The following ROBO2 variants were observed in gnomAD, a reference collection of about 807,000 sequenced individuals.
The protein encoded by ROBO2 is roundabout homolog 2.
ROBO2 carries 53 observed loss-of-function variants against 160.8 expected under a neutral mutation model. The observed-to-expected ratio is 0.33, with a 90% CI of 0.26 to 0.41. The LOEUF is 0.41. ROBO2 is among the 10% of genes least tolerant of loss of function. The pLI is 1.00. For missense variants in ROBO2, 1,577 were observed against 1,722.4 expected, an observed-to-expected ratio of 0.92 and a Z score of 1.49; for synonymous variants, 664 against 611.7, an observed-to-expected ratio of 1.09 and a Z score of -1.26.
intron 2 of ROBO2, among the ~76,000 whole-genome samples, chr3:76,984,129 C>T (rs1160418294): frequency 3.3e-5 from 5 of 152,148 alleles, no homozygotes; most frequent in Admixed American, 2.6e-4. Context: ...ATCCAGTTAC[C>T]TCCACCTGGT....
At chr3:76,231,249 C>G (rs970023132) in intron 2 of ROBO2, among the ~76,000 whole-genome samples, 1 of 152,152 alleles carries the variant, frequency 6.6e-6, no homozygotes, top group Non-Finnish European at 1.5e-5. Flanking sequence ...CAATTATAAC[C>G]GTTTCTTGCT....
chr3:76,847,082 A>G (rs2068844020), intron 2 of ROBO2, among the ~76,000 whole-genome samples: 1 of 152,194 alleles, frequency 6.6e-6, no homozygotes, highest in South Asian at 2.1e-4. Flanking sequence ...CTACGTGGTT[A>G]ATTTGCTACT....
intron 2 of ROBO2, among the ~76,000 whole-genome samples, chr3:76,476,850 A>T (rs934008208): frequency 1.3e-4 from 20 of 152,032 alleles, no homozygotes; most frequent in Non-Finnish European, 2.8e-4. Context: ...TGGAAAAAAA[A>T]TGATTTTATA....
At chr3:75,912,842 C>T (rs1016930168) in intron 1 of ROBO2, among the ~76,000 whole-genome samples, 12 of 152,104 alleles carry the variant, frequency 7.9e-5, no homozygotes, top group African/African-American at 2.4e-4. Flanking sequence ...GAGTTTACCA[C>T]TTCATTTCTC....
intron 2 of ROBO2, among the ~76,000 whole-genome samples, chr3:77,289,771 G>C (rs562441128): frequency 6.6e-6 from 1 of 151,972 alleles, no homozygotes; most frequent in South Asian, 2.1e-4. Flanking sequence ...AAAATTGATG[G>C]TTAAATGGGT....
At chr3:77,577,031 T>C (rs373589530) in intron 14 of ROBO2, among the ~76,000 whole-genome samples, 5 of 152,118 alleles carry the variant, frequency 3.3e-5, no homozygotes, top group Admixed American at 3.3e-4. Flanking sequence ...GTTATGGTTG[T>C]TTTTAGAAAG....
intron 2 of ROBO2, among the ~76,000 whole-genome samples, chr3:76,590,188 C>G (rs1353133493): frequency 6.6e-6 from 1 of 152,058 alleles, no homozygotes; most frequent in Non-Finnish European, 1.5e-5. Flanking sequence ...CATTTTTACT[C>G]AAACTTTAGA....
intron 2 of ROBO2, among the ~76,000 whole-genome samples, chr3:76,382,873 T>G (rs1264647086): frequency 6.6e-6 from 1 of 152,178 alleles, no homozygotes; most frequent in Non-Finnish European, 1.5e-5. Context: ...TCAAGGGTGG[T>G]TCAGCTTCTC....
intron 5 of ROBO2, among the ~76,000 whole-genome samples, chr3:77,517,191 G>C (rs2090115758): frequency 6.6e-6 from 1 of 151,578 alleles, no homozygotes; most frequent in Non-Finnish European, 1.5e-5. Context: ...AACTGGATTG[G>C]TGGATAGCAA....
chr3:77,131,285 C>T (rs72891532), intron 2 of ROBO2, among the ~76,000 whole-genome samples: 9,370 of 152,160 alleles, frequency 0.062, 964 homozygotes, highest in African/African-American at 0.21. Flanking sequence ...TATTTTAGAG[C>T]AGGCAACCAA....
chr3:76,848,562 A>AAAAT (rs2069002409), intron 2 of ROBO2, among the ~76,000 whole-genome samples: 1 of 152,204 alleles, frequency 6.6e-6, no homozygotes, highest in Non-Finnish European at 1.5e-5. Flanking sequence ...AAAATACCAT[A>AAAAT]AAATGGACAG....
intron 23 of ROBO2, chr3:77,629,315 A>C (rs1318024525): frequency 6.6e-6 from 1 of 152,092 alleles, no homozygotes; most frequent in Admixed American, 6.6e-5. Context: ...TACTGGTTTC[A>C]CCTGTCAATA....
chr3:76,440,021 T>A (rs949271039), intron 2 of ROBO2, among the ~76,000 whole-genome samples: 5 of 152,060 alleles, frequency 3.3e-5, no homozygotes, highest in Non-Finnish European at 7.4e-5. Flanking sequence ...TTCCAGTCCT[T>A]CTCCTTAAGA....
Position 76,428,833 on chromosome 3 carries a change from CCTTA to C in ROBO2, c.109+491236_109+491239del, listed in dbSNP as rs2076323083. 2.6e-5 allele frequency among the ~76,000 whole-genome samples: 4 copies of C among 152,238 alleles called. No homozygotes were observed. In the South Asian group the frequency reaches 8.3e-4, roughly 32 times the overall value. Reference sequence around the variant, plus strand: ...TCACCTACTGAAGCTGGTTCCTCGACCTTACTTAACCCTTCTGAGCTGCCGACAG... The same window carrying C: ...TCACCTACTGAAGCTGGTTCCTCGACCTTAACCCTTCTGAGCTGCCGACAG... On this transcript the variant is annotated intron_variant, in intron 2 of 26. Transcript: ENST00000487694.
chr3:76,316,016 T>C (rs2071991309), intron 2 of ROBO2, among the ~76,000 whole-genome samples: 1 of 152,090 alleles, frequency 6.6e-6, no homozygotes, highest in African/African-American at 2.4e-5. Flanking sequence ...AAGTTTTTAT[T>C]AGGGATTTTA....
chr3:76,235,612 G>C (rs1409499373), intron 2 of ROBO2, among the ~76,000 whole-genome samples: 1 of 152,098 alleles, frequency 6.6e-6, no homozygotes, highest in Non-Finnish European at 1.5e-5. Context: ...AACTTAAAGA[G>C]ACATAAAAAT....
chr3:77,542,689 T>A (rs930576648), intron 6 of ROBO2, among the ~76,000 whole-genome samples: 1 of 152,194 alleles, frequency 6.6e-6, no homozygotes, highest in African/African-American at 2.4e-5. Flanking sequence ...TTTTGCAGAA[T>A]TTCTTTGTCC....
At chr3:76,513,166 G>A (rs769977181) in intron 2 of ROBO2, among the ~76,000 whole-genome samples, 1 of 152,078 alleles carries the variant, frequency 6.6e-6, no homozygotes, top group Non-Finnish European at 1.5e-5. Context: ...ATAAGCCATT[G>A]TAAGAGCTAT....
chr3:76,447,216 CA>C, intron 2 of ROBO2, among the ~76,000 whole-genome samples: 1 of 152,252 alleles, frequency 6.6e-6, no homozygotes, highest in South Asian at 2.1e-4. Flanking sequence ...ACAACCCCAT[CA>C]AAAAGCGGGT....
Sources: gnomAD v4.1 joint callset for allele counts (sites outside exome capture counted in the v4.1 genomes callset) on GRCh38, gnomAD v4.1.1 for gene constraint, MANE v1.5 for transcripts, NCBI Gene and HGNC (gene_info 2026-07-23, HGNC 2026-07-21) for gene names.